KIAA2012: variants seen among roughly 807,000 people sequenced by gnomAD.
KIAA2012 encodes the protein KIAA2012.
KIAA2012 carries 125 observed loss-of-function variants against 150.6 expected under a neutral mutation model. The ratio of observed to expected loss-of-function variants is 0.83; its 90% CI spans 0.72 to 0.96. The LOEUF (loss-of-function observed/expected upper bound fraction) is 0.96, where lower values mean the gene tolerates loss of function less well. Ranked by LOEUF, KIAA2012 falls within the 40% of genes least tolerant of loss-of-function variation. The pLI is 0.00. For synonymous variants in KIAA2012, 462 were observed against 504.7 expected (o/e 0.92, Z 1.13); for missense variants, 1,219 against 1,354.9 (o/e 0.90, Z 1.57).
intron 2 of KIAA2012, among the ~76,000 whole-genome samples, chr2:202,079,627 C>G (rs909676260): frequency 6.6e-6 from 1 of 152,176 alleles, no homozygotes; most frequent in African/African-American, 2.4e-5. Context: ...CAACTCCTTA[C>G]GGGTAAAGAT....
chr2:202,178,974 C>A (rs1574308564), intron 15 of KIAA2012: 1 of 279,350 alleles, frequency 3.6e-6, no homozygotes, highest in Non-Finnish European at 6.9e-6. Context: ...AATGGGTGAA[C>A]TTTTTCTTTT....
chr2:202,098,061 C>G lies in KIAA2012; in HGVS notation c.828+484C>G, dbSNP rs370069098. Among the ~76,000 whole-genome samples the G allele has an allele frequency of 2.0e-4, 30 of 152,290 alleles. No homozygotes were observed. The East Asian group carries it at 5.8e-3, about 29-fold the overall frequency. ...TAGAACTGTAGCATTGCAAGATGCT[C>G]CATTTAACAAAGTTTTGGCTGGGTG... On this transcript the variant is annotated intron_variant, in intron 5 of 23. Coordinates refer to ENST00000498697, the MANE Select transcript of KIAA2012 (RefSeq NM_001277372.4).
At chr2:202,155,493 C>T (rs143640706) in intron 14 of KIAA2012, among the ~76,000 whole-genome samples, 36 of 152,250 alleles carry the variant, frequency 2.4e-4, no homozygotes, top group South Asian at 6.2e-4. Context: ...TCTTTGCCCT[C>T]CTCAGAGCTT....
At chr2:202,190,690 C>T (rs1692314014) in intron 19 of KIAA2012, among the ~76,000 whole-genome samples, 197 bp downstream of exon 19, 1 of 152,152 alleles carries the variant, frequency 6.6e-6, no homozygotes, top group Non-Finnish European at 1.5e-5. Context: ...GGTAGCAAAG[C>T]CCCTCTGAAG....
intron 22 of KIAA2012, among the ~76,000 whole-genome samples, chr2:202,201,007 T>C (rs1574320745): frequency 6.6e-6 from 1 of 152,106 alleles, no homozygotes; most frequent in East Asian, 1.9e-4. Context: ...CGCCTGGCCG[T>C]AATTTGGCAA....
At chr2:202,111,766 T>C (rs1422535311) in intron 10 of KIAA2012, among the ~76,000 whole-genome samples, 5 of 152,158 alleles carry the variant, frequency 3.3e-5, no homozygotes, top group Admixed American at 3.3e-4. Context: ...TGTCATATGC[T>C]CATGTATGTC....
chr2:202,200,634 C>T (rs758530298), intron 22 of KIAA2012, among the ~76,000 whole-genome samples: 1 of 150,808 alleles, frequency 6.6e-6, no homozygotes, highest in East Asian at 2.0e-4. Flanking sequence ...CACACTAATG[C>T]GTTCCATTTA....
chr2:202,090,928 A>G lies in KIAA2012; in HGVS notation c.528A>G (p.Ala176=). ...ACGCCATGTATAGGCTCTGGTGCGCAGGTCAGTGGGGAAATGGGAGGGGGG... is the reference window on the plus strand; with the variant it reads ...ACGCCATGTATAGGCTCTGGTGCGCGGGTCAGTGGGGAAATGGGAGGGGGG... The part of the protein sequence containing the change: ...PPDAMYRLWC[A]GYIKDSVLLQ... Residue 176 remains alanine, a splice_region_variant and synonymous_variant, in exon 3 of 24, where the codon GCA becomes GCG. Transcript: ENST00000498697. The G allele has an allele frequency of 6.5e-7, 1 of 1,541,828 alleles. No homozygotes were observed.
chr2:202,100,493 G>T, intron 7 of KIAA2012, 44 bp downstream of exon 7: 2 of 1,494,152 alleles, frequency 1.3e-6, no homozygotes, highest in Non-Finnish European at 9.0e-7. Flanking sequence ...GAGAGAGAGA[G>T]GAGGGAAGAG....
At chr2:202,170,104 C>T (rs993596239) in intron 15 of KIAA2012, among the ~76,000 whole-genome samples, 2 of 152,210 alleles carry the variant, frequency 1.3e-5, no homozygotes, top group African/African-American at 4.8e-5. Flanking sequence ...ACATAAATCT[C>T]TTCTACCACC....
chr2:202,097,563 G>A lies in KIAA2012; in HGVS notation c.814G>A (p.Glu272Lys). The stretch of plus-strand genomic sequence containing the variant: ...CAGGAAGCAGCCCTGGCAGGAAGAT[G>A]AAACGCAGGCAGAGGTACCATTTCT... ...PRRKQPWQED[E>K]TQAEDTSIEN... The change falls in exon 5 of 24, where the codon GAA (glutamate) becomes AAA (lysine). Residue 272 changes from glutamate to lysine, a missense_variant. Coordinates refer to ENST00000498697, the MANE Select transcript of KIAA2012 (RefSeq NM_001277372.4). The A allele has an allele frequency of 6.5e-7, 1 of 1,548,308 alleles. No individual in the cohort carries two copies. The highest frequency in any genetic ancestry group is 8.7e-7 in the Non-Finnish European group (1 of 1,146,456).
In KIAA2012 at chr2:202,103,019, T is replaced by G; in HGVS notation, c.1229T>G (p.Phe410Cys). ...GTCTTGGAGCCCCTGAAGAGCCAAT[T>G]TAAAGCCAATGAGCCCCCAACAGAG... ...PRVLEPLKSQ[F>C]KANEPPTELF... is the part of the protein sequence containing the mutation. The change falls in exon 8 of 24, where the codon TTT (phenylalanine) becomes TGT (cysteine). Residue 410 changes from phenylalanine (F) to cysteine (C), a missense_variant. Phe to Cys is a radical substitution (Grantham distance 205). Coordinates refer to ENST00000498697, the MANE Select transcript of KIAA2012 (RefSeq NM_001277372.4). 1 of 1,550,444 alleles carries G rather than the reference T, an allele frequency of 6.4e-7. No individual in the cohort carries two copies. The highest frequency in any genetic ancestry group is 1.7e-4 in the Middle Eastern group (1 of 5,992).
chr2:202,106,259 T>C (rs1212097221), intron 9 of KIAA2012, among the ~76,000 whole-genome samples: 1 of 152,214 alleles, frequency 6.6e-6, no homozygotes, highest in Non-Finnish European at 1.5e-5. Flanking sequence ...CCACCACTAT[T>C]TTCTGGTTGC....
At chr2:202,150,527 T>TAACGCTCACCTC (rs1691405106) in intron 13 of KIAA2012, among the ~76,000 whole-genome samples, 1 of 152,036 alleles carries the variant, frequency 6.6e-6, no homozygotes, top group African/African-American at 2.4e-5. Flanking sequence ...CCGCTCACTA[T>TAACGCTCACCTC]AACGCTCACC....
chr2:202,189,436 C>T (rs2105746191), intron 18 of KIAA2012, among the ~76,000 whole-genome samples: 1 of 151,904 alleles, frequency 6.6e-6, no homozygotes, highest in East Asian at 1.9e-4. Context: ...GGATTATAGG[C>T]ACCCACCACC....
chr2:202,083,863 G>A (rs767807036), intron 2 of KIAA2012, among the ~76,000 whole-genome samples: 2 of 152,180 alleles, frequency 1.3e-5, no homozygotes, highest in Non-Finnish European at 1.5e-5. Context: ...CCATAAGAGA[G>A]TGAGATTATG....
At chr2:202,188,360 A>G in intron 18 of KIAA2012, 94 bp downstream of exon 18, 1 of 991,764 alleles carries the variant, frequency 1.0e-6, no homozygotes, top group Non-Finnish European at 1.5e-6. Flanking sequence ...CTACCGGACA[A>G]ACTCTCTGTT....
intron 10 of KIAA2012, 62 bp from the exon 11 acceptor site, chr2:202,113,274 T>A (rs201576300): frequency 1.8e-5 from 24 of 1,305,526 alleles, no homozygotes; most frequent in Non-Finnish European, 2.5e-5. Flanking sequence ...ATGGCCCAGG[T>A]TTGGTCTGTC....
chr2:202,158,237 G>A (rs546276797), intron 14 of KIAA2012, among the ~76,000 whole-genome samples: 17 of 151,656 alleles, frequency 1.1e-4, no homozygotes, highest in Admixed American at 3.3e-4. Flanking sequence ...CTCGCAATCC[G>A]CCTGTCTCAG....
Sources: allele counts gnomAD v4.1 joint callset (sites outside exome capture counted in the v4.1 genomes callset), GRCh38; gene constraint gnomAD v4.1.1; transcripts MANE v1.5; gene names NCBI Gene and HGNC (gene_info 2026-07-23, HGNC 2026-07-21).